DGKB: variants seen among roughly 807,000 people sequenced by gnomAD.
The protein encoded by DGKB is 90 kDa diacylglycerol kinase.
DGKB carries 67 observed loss-of-function variants against 114.3 expected under a neutral mutation model. The observed-to-expected ratio is 0.59, with a 90% CI of 0.48 to 0.72. DGKB has a LOEUF of 0.72. DGKB is among the 30% of genes least tolerant of loss of function. DGKB has a pLI of 0.00. For synonymous variants in DGKB, 398 were observed against 323.1 expected (o/e 1.23, Z -2.49); for missense variants, 907 against 975.2 (o/e 0.93, Z 0.93).
At chr7:14,219,566 A>G (rs1041577165) in intron 23 of DGKB, among the ~76,000 whole-genome samples, 6 of 151,802 alleles carry the variant, frequency 4.0e-5, no homozygotes, top group African/African-American at 1.4e-4. Flanking sequence ...ATACGTATAT[A>G]TACCATTTCT....
chr7:14,166,115 T>C (rs1784576497), intron 25 of DGKB, among the ~76,000 whole-genome samples: 1 of 152,216 alleles, frequency 6.6e-6, no homozygotes, highest in Non-Finnish European at 1.5e-5. Flanking sequence ...AACAGATAAC[T>C]TACTTGGAAT....
chr7:14,896,169 C>T (rs1782068736), intron 1 of DGKB, among the ~76,000 whole-genome samples: 1 of 151,534 alleles, frequency 6.6e-6, no homozygotes, highest in Non-Finnish European at 1.5e-5. Flanking sequence ...CAATATAAAG[C>T]AAAACAGAAT....
chr7:14,539,492 C>A (rs1234205531), intron 20 of DGKB, among the ~76,000 whole-genome samples: 1 of 152,084 alleles, frequency 6.6e-6, no homozygotes, highest in African/African-American at 2.4e-5. Flanking sequence ...CTAAAAACAT[C>A]AATAAACTTC....
At chr7:14,789,836 G>A (rs138412720) in intron 2 of DGKB, among the ~76,000 whole-genome samples, 302 of 152,204 alleles carry the variant, frequency 2.0e-3, no homozygotes, top group African/African-American at 6.8e-3. Context: ...ATATAGTAGT[G>A]CCATGTTTAG....
At chr7:14,776,010 C>T (rs1297582226) in intron 2 of DGKB, among the ~76,000 whole-genome samples, 2 of 151,948 alleles carry the variant, frequency 1.3e-5, no homozygotes, top group African/African-American at 4.8e-5. Context: ...GACCAAATTG[C>T]TAATAGTGAT....
intron 1 of DGKB, among the ~76,000 whole-genome samples, chr7:14,896,909 A>G (rs960480140): frequency 2.6e-5 from 4 of 151,860 alleles, no homozygotes; most frequent in Non-Finnish European, 5.9e-5. Flanking sequence ...TCACAATTCC[A>G]TCTCATTATG....
intron 2 of DGKB, among the ~76,000 whole-genome samples, chr7:14,778,592 G>C (rs935497869): frequency 6.6e-6 from 1 of 152,104 alleles, no homozygotes; most frequent in African/African-American, 2.4e-5. Context: ...AGAAGGTAAA[G>C]AGAAACTAGA....
chr7:14,766,182 T>A (rs1466763067), intron 2 of DGKB, among the ~76,000 whole-genome samples: 1 of 151,998 alleles, frequency 6.6e-6, no homozygotes, highest in Non-Finnish European at 1.5e-5. Context: ...TTAGAACAAG[T>A]ACTGTTCCAA....
chr7:14,169,515 G>A (rs746911654), intron 25 of DGKB, among the ~76,000 whole-genome samples: 1 of 152,228 alleles, frequency 6.6e-6, no homozygotes, highest in Middle Eastern at 3.4e-3. Context: ...GGCAAAAAAC[G>A]AAGTACTATG....
chr7:14,971,899 AT>A (rs1246237021), intron 1 of DGKB, among the ~76,000 whole-genome samples: 5 of 151,332 alleles, frequency 3.3e-5, no homozygotes. Flanking sequence ...TGTAGCTGTG[AT>A]TACCCGGCTA....
At chr7:14,747,640 G>C (rs1833496893) in intron 4 of DGKB, among the ~76,000 whole-genome samples, 1 of 152,032 alleles carries the variant, frequency 6.6e-6, no homozygotes, top group African/African-American at 2.4e-5. Flanking sequence ...ATTGCTTTTT[G>C]AAGACTGTGA....
chr7:14,876,451 T>C (rs1285793304), intron 1 of DGKB, among the ~76,000 whole-genome samples: 8 of 152,182 alleles, frequency 5.3e-5, no homozygotes, highest in Non-Finnish European at 2.9e-5. Flanking sequence ...TTTGAATTCT[T>C]TCCTGGGCAA....
At chr7:14,170,141 AAAAAAAAGAAAGAAAG>A (rs1232376189) in intron 25 of DGKB, among the ~76,000 whole-genome samples, 51 of 102,870 alleles carry the variant, frequency 5.0e-4, no homozygotes, top group Admixed American at 2.1e-3. Flanking sequence ...TCTCAAAAAA[AAAAAAAAGAAAGAAAG>A]AAAGAAAGAA....
rs189597411 is a variant in DGKB at position 14,679,313 on chromosome 7, T to C, written c.1035+3240A>G. On this transcript the variant is annotated intron_variant, in intron 12 of 25. Coordinates refer to ENST00000402815, the MANE Select transcript of DGKB (RefSeq NM_001350709.2). ...TTGTCCTAAACATATCTACAGAGAA[T>C]TTTTTGCCCCTTTAATCCTCATAAT... is the stretch of plus-strand genomic sequence containing the variant. 5.3e-5 allele frequency among the ~76,000 whole-genome samples: 8 copies of C among 152,152 alleles called. No homozygotes were observed. The East Asian group carries it at 1.5e-3, about 29-fold the overall frequency.
chr7:14,325,787 C>G (rs571797835), intron 23 of DGKB, among the ~76,000 whole-genome samples: 13 of 152,266 alleles, frequency 8.5e-5, no homozygotes, highest in South Asian at 6.2e-4. Context: ...GGACTCATTT[C>G]TAGAAGGGCT....
intron 17 of DGKB, among the ~76,000 whole-genome samples, chr7:14,587,928 T>A (rs564902129): frequency 6.8e-4 from 104 of 152,322 alleles, no homozygotes; most frequent in Admixed American, 1.6e-3. Context: ...TATTGTGATA[T>A]TCACTTTATT....
At chr7:14,460,522 TG>T (rs1163626160) in intron 21 of DGKB, among the ~76,000 whole-genome samples, 1 of 151,752 alleles carries the variant, frequency 6.6e-6, no homozygotes, top group African/African-American at 2.4e-5. Flanking sequence ...CATGACATAA[TG>T]GTAAAGGAAT....
chr7:14,605,627 T>A (rs999645037), intron 17 of DGKB, among the ~76,000 whole-genome samples: 1 of 151,842 alleles, frequency 6.6e-6, no homozygotes, highest in East Asian at 1.9e-4. Flanking sequence ...GAGCAGAGGA[T>A]AACAGGATGC....
intron 2 of DGKB, among the ~76,000 whole-genome samples, chr7:14,766,559 T>G (rs73276014): frequency 0.014 from 2,161 of 152,018 alleles, 39 homozygotes; most frequent in African/African-American, 0.048. Flanking sequence ...CATTTTATAT[T>G]TCATAAATAT....
Sources: gnomAD v4.1 joint callset for allele counts (sites outside exome capture counted in the v4.1 genomes callset) on GRCh38, gnomAD v4.1.1 for gene constraint, MANE v1.5 for transcripts, NCBI Gene and HGNC (gene_info 2026-07-23, HGNC 2026-07-21) for gene names.